MOK: variants seen among roughly 807,000 people sequenced by gnomAD.
The protein encoded by MOK is MOK protein kinase.
Under a neutral mutation model 54.2 loss-of-function variants are expected in MOK, and 59 were observed. The ratio of observed to expected loss-of-function variants is 1.09; its 90% confidence interval spans 0.88 to 1.35. The LOEUF is 1.35. Among genes scored for constraint, MOK ranks in the 40% most tolerant of loss-of-function variants. The pLI is 0.00. For missense variants in MOK, 517 were observed against 526.2 expected (o/e 0.98, Z 0.17); for synonymous variants, 210 against 202.7 (o/e 1.04, Z -0.31).
intron 2 of MOK, chr14:102,283,271 A>G: frequency 2.4e-6 from 1 of 411,690 alleles, no homozygotes; most frequent in Non-Finnish European, 4.3e-6. Context: ...TTTTGTGGTC[A>G]TTCATCACTG....
intron 4 of MOK, among the ~76,000 whole-genome samples, chr14:102,256,651 T>C (rs1266774309): frequency 1.3e-5 from 2 of 151,882 alleles, no homozygotes; most frequent in Non-Finnish European, 2.9e-5. Context: ...TCCTCCCGCC[T>C]TGGCCTCCCA....
downstream of MOK, chr14:102,226,037 A>T (rs1567117579): frequency 2.2e-6 from 1 of 463,714 alleles, no homozygotes. This position sits in a 1 kb window ranked among gnomAD's most constrained non-coding sequence, Gnocchi z 4.8. Context: ...GCCTTGTGGC[A>T]GGCTGGCTGC....
chr14:102,295,778 A>G (rs1404182415), intron 1 of MOK, among the ~76,000 whole-genome samples: 1 of 152,250 alleles, frequency 6.6e-6, no homozygotes, highest in Non-Finnish European at 1.5e-5. Flanking sequence ...AAAATTTTAA[A>G]ATTGAAATTA....
chr14:102,290,593 C>G (rs2070670324), intron 1 of MOK, among the ~76,000 whole-genome samples: 1 of 152,102 alleles, frequency 6.6e-6, no homozygotes, highest in Non-Finnish European at 1.5e-5. Context: ...CACAACTGGT[C>G]TGTGTTATGA....
chr14:102,227,261 G>A (rs2064287350), downstream of MOK, among the ~76,000 whole-genome samples: 1 of 152,086 alleles, frequency 6.6e-6, no homozygotes, highest in Non-Finnish European at 1.5e-5. Flanking sequence ...CCAGGCCGGG[G>A]GACAGGGCAT....
intron 7 of MOK, among the ~76,000 whole-genome samples, chr14:102,242,255 G>T (rs1004726194): frequency 6.6e-6 from 1 of 152,064 alleles, no homozygotes; most frequent in Non-Finnish European, 1.5e-5. Flanking sequence ...CACAATTGTG[G>T]GTATTGACGG....
chr14:102,270,848 G>A (rs955021805), intron 2 of MOK, among the ~76,000 whole-genome samples: 8 of 152,110 alleles, frequency 5.3e-5, no homozygotes, highest in South Asian at 2.1e-4. Context: ...TTGCACAGCC[G>A]TATAAATGTC....
At chr14:102,286,535 C>T (rs150048899) in intron 1 of MOK, among the ~76,000 whole-genome samples, 2 of 151,966 alleles carry the variant, frequency 1.3e-5, no homozygotes, top group Non-Finnish European at 2.9e-5. Context: ...CACTTGAGCC[C>T]AGGAGTTTGA....
At chr14:102,266,017 C>T (rs1204548239) in intron 2 of MOK, 105 bp from the exon 3 acceptor site, 12 of 813,562 alleles carry the variant, frequency 1.5e-5, no homozygotes, top group Non-Finnish European at 2.2e-5. Flanking sequence ...ACAAATATTT[C>T]AAGCAAGTTA....
intron 1 of MOK, among the ~76,000 whole-genome samples, chr14:102,292,125 A>G (rs1396283557): frequency 6.6e-6 from 1 of 152,096 alleles, no homozygotes; most frequent in African/African-American, 2.4e-5. Flanking sequence ...TTCCTTATAA[A>G]AGAGGGAGGG....
At chr14:102,275,988 C>G (rs1400499016) in intron 2 of MOK, among the ~76,000 whole-genome samples, 2 of 152,026 alleles carry the variant, frequency 1.3e-5, no homozygotes, top group African/African-American at 2.4e-5. Flanking sequence ...CTTGGACAGG[C>G]AATTCATAAA....
downstream of MOK, chr14:102,224,489 A>G (rs1047814433): frequency 3.8e-5 from 16 of 424,068 alleles, no homozygotes; most frequent in East Asian, 9.9e-4. Flanking sequence ...AAAAAATCAT[A>G]TACAACTGGA....
intron 4 of MOK, among the ~76,000 whole-genome samples, chr14:102,263,269 G>A (rs1205699673): frequency 2.0e-5 from 3 of 152,078 alleles, no homozygotes; most frequent in African/African-American, 7.2e-5. Flanking sequence ...CTGGCTGCAG[G>A]CGCTCTGCAG....
chr14:102,257,189 T>C (rs888659491), intron 4 of MOK, among the ~76,000 whole-genome samples: 1 of 151,750 alleles, frequency 6.6e-6, no homozygotes, highest in Admixed American at 6.6e-5. Context: ...TCTGCCTAAA[T>C]GGGAACACTT....
At chr14:102,216,087 C>T in the MOK span, among the ~76,000 whole-genome samples, 2 of 152,202 alleles carry the variant, frequency 1.3e-5, no homozygotes, top group African/African-American at 2.4e-5. Context: ...GCTCTGCCTC[C>T]AGCACGTTCA....
intron 7 of MOK, among the ~76,000 whole-genome samples, chr14:102,239,548 C>T (rs2065531982): frequency 6.6e-6 from 1 of 152,204 alleles, no homozygotes; most frequent in South Asian, 2.1e-4. Context: ...TGACCAGACC[C>T]TCCTACCAGG....
At chr14:102,267,263 G>A (rs1345929207) in intron 2 of MOK, among the ~76,000 whole-genome samples, 2 of 152,174 alleles carry the variant, frequency 1.3e-5, no homozygotes, top group Non-Finnish European at 2.9e-5. Flanking sequence ...TATAGGTATA[G>A]TTTAAAATCA....
chr14:102,282,598 G>A (rs901808366), intron 2 of MOK, among the ~76,000 whole-genome samples: 6 of 151,978 alleles, frequency 3.9e-5, no homozygotes, highest in Non-Finnish European at 8.8e-5. Context: ...AGCCAGGCGT[G>A]TGGTGTGCTC....
intron 2 of MOK, among the ~76,000 whole-genome samples, chr14:102,269,642 C>A (rs1190150748): frequency 6.6e-6 from 1 of 151,574 alleles, no homozygotes; most frequent in Non-Finnish European, 1.5e-5. Flanking sequence ...CTGGCTGATT[C>A]TTATATTTTC....
Sources: gnomAD v4.1 joint callset for allele counts (sites outside exome capture counted in the v4.1 genomes callset) on GRCh38, gnomAD v4.1.1 for gene constraint, Gnocchi (gnomAD v3.1) non-coding constraint, MANE v1.5 for transcripts, NCBI Gene and HGNC (gene_info 2026-07-23, HGNC 2026-07-21) for gene names.